TCF7L1: variants seen among roughly 807,000 people sequenced by gnomAD.
TCF7L1 encodes the protein transcription factor 7-like 1.
In TCF7L1, 18 loss-of-function variants were observed where a neutral mutation model predicts 63.7. That is an observed-to-expected ratio of 0.28 (90% CI 0.20 to 0.42). The LOEUF is 0.42. Among genes scored for constraint, TCF7L1 ranks in the 10% least tolerant of loss-of-function variants. TCF7L1 has a pLI of 1.00. For missense variants in TCF7L1, 654 were observed against 779.3 expected, an observed-to-expected ratio of 0.84 and a Z score of 1.91; for synonymous variants, 355 against 340.9, an observed-to-expected ratio of 1.04 and a Z score of -0.46.
intron 3 of TCF7L1, among the ~76,000 whole-genome samples, chr2:85,150,479 G>A (rs964345325): frequency 4.6e-5 from 7 of 152,028 alleles, no homozygotes; most frequent in Admixed American, 2.6e-4. Flanking sequence ...TGATCCACCC[G>A]CCTTGGCCTC....
intron 4 of TCF7L1, among the ~76,000 whole-genome samples, chr2:85,288,889 G>A (rs763097951): frequency 1.4e-4 from 22 of 152,134 alleles, no homozygotes; most frequent in Non-Finnish European, 3.1e-4. Flanking sequence ...GTCCAGCCAC[G>A]CAAAACACAT....
At chr2:85,156,510 C>T (rs2104213054) in intron 3 of TCF7L1, among the ~76,000 whole-genome samples, 1 of 152,310 alleles carries the variant, frequency 6.6e-6, no homozygotes, top group South Asian at 2.1e-4. Flanking sequence ...GTGGGGAGCT[C>T]TGGGGCCAGT....
At chr2:85,273,421 A>G (rs770093399) in intron 3 of TCF7L1, among the ~76,000 whole-genome samples, 2 of 152,188 alleles carry the variant, frequency 1.3e-5, no homozygotes, top group Non-Finnish European at 2.9e-5. Flanking sequence ...ACAGAGGACA[A>G]TTCGCAGCCT....
chr2:85,245,403 G>A (rs976028138), intron 3 of TCF7L1, among the ~76,000 whole-genome samples: 1 of 152,172 alleles, frequency 6.6e-6, no homozygotes, highest in Non-Finnish European at 1.5e-5. Context: ...CCTCTAAGAT[G>A]GGGTAGGTTG....
At chr2:85,267,801 T>C (rs1052838642) in intron 3 of TCF7L1, among the ~76,000 whole-genome samples, 1 of 152,140 alleles carries the variant, frequency 6.6e-6, no homozygotes, top group Non-Finnish European at 1.5e-5. Flanking sequence ...AAATAACACA[T>C]GGAGTATCTG....
intron 3 of TCF7L1, among the ~76,000 whole-genome samples, chr2:85,275,368 C>T (rs1681246778): frequency 6.6e-6 from 1 of 152,106 alleles, no homozygotes; most frequent in African/African-American, 2.4e-5. Flanking sequence ...GCAAAATTGC[C>T]AGGTTCTTTG....
chr2:85,304,456 C>G, intron 7 of TCF7L1, 118 bp downstream of exon 7: 1 of 989,352 alleles, frequency 1.0e-6, no homozygotes, highest in Admixed American at 2.5e-5. Context: ...CCTCCCCCCA[C>G]CTCTCTTTGA....
At chr2:85,273,352 G>C (rs183586459) in intron 3 of TCF7L1, among the ~76,000 whole-genome samples, 2 of 152,278 alleles carry the variant, frequency 1.3e-5, no homozygotes, top group Non-Finnish European at 2.9e-5. Context: ...AGCAGATTAT[G>C]TGCCCCACTT....
In TCF7L1 at chr2:85,304,454, C is replaced by T. The variant is rs572257989; in HGVS notation, c.845+116C>T. On this transcript the variant is annotated intron_variant, in intron 7 of 11. Coordinates refer to ENST00000282111, the MANE Select transcript of TCF7L1 (RefSeq NM_031283.3). ...GCAGGCACAGGGCTCACCCTCCCCC[C>T]ACCTCTCTTTGATCAAGCATCTTCT... 2.6e-5 allele frequency: 28 copies of T among 1,068,440 alleles called. No individual in the cohort carries two copies. The South Asian group carries it at 3.5e-4, about 13-fold the overall frequency. 66.2% of individuals were successfully genotyped at this position (1,068,440 alleles called of 1,614,324 possible).
intron 3 of TCF7L1, among the ~76,000 whole-genome samples, chr2:85,182,176 C>T (rs911750269): frequency 1.6e-4 from 25 of 152,126 alleles, no homozygotes; most frequent in African/African-American, 5.3e-4. Context: ...TGAGCTTGTT[C>T]GTCAGATGGG....
chr2:85,250,036 T>C (rs1329005428), intron 3 of TCF7L1, among the ~76,000 whole-genome samples: 1 of 152,244 alleles, frequency 6.6e-6, no homozygotes, highest in Non-Finnish European at 1.5e-5. Context: ...TGCAGTGGAC[T>C]GTGTGCCCAA....
chr2:85,168,525 G>C (rs2104232091), intron 3 of TCF7L1, among the ~76,000 whole-genome samples: 1 of 152,186 alleles, frequency 6.6e-6, no homozygotes, highest in South Asian at 2.1e-4. Context: ...GCTGGGTGCT[G>C]CCGAGTCTGA....
chr2:85,163,279 G>A (rs959516626), intron 3 of TCF7L1, among the ~76,000 whole-genome samples: 6 of 152,264 alleles, frequency 3.9e-5, no homozygotes, highest in South Asian at 4.1e-4. Flanking sequence ...CTAGTTGAAA[G>A]CTCCTCACTG....
At chr2:85,139,762 G>A (rs1203920873) in intron 3 of TCF7L1, among the ~76,000 whole-genome samples, 4 of 152,200 alleles carry the variant, frequency 2.6e-5, no homozygotes, top group African/African-American at 9.7e-5. Flanking sequence ...AGTTCAGGGC[G>A]ATTTGGGGGT....
In TCF7L1 at chr2:85,291,993, ATTTTTTTTTTTTTTTTTTTTTTTTTTT is replaced by A. The variant is rs1167747216; in HGVS notation, c.525+8434_525+8460del. Among the ~76,000 whole-genome samples, 11 of 13,838 alleles carry A rather than the reference ATTTTTTTTTTTTTTTTTTTTTTTTTTT, an allele frequency of 7.9e-4. 3 individuals carry two copies. The highest frequency in any genetic ancestry group is 2.0e-3 in the Admixed American group (2 of 990). The allele number at this position is 13,838 out of a possible 152,430, so 9.1% of individuals were successfully genotyped here. ...AGTGCTGAGTTTACTGGTCATATGT[ATTTTTTTTTTTTTTTTTTTTTTTTTTT>A]TTTTTTTTTTTTTTTTTTGAGACGG... On this transcript the variant is annotated intron_variant, in intron 4 of 11. Transcript: ENST00000282111.
chr2:85,268,049 A>T (rs1197957451), intron 3 of TCF7L1, among the ~76,000 whole-genome samples: 1 of 152,230 alleles, frequency 6.6e-6, no homozygotes, highest in East Asian at 1.9e-4. Flanking sequence ...TTTGTTTTTT[A>T]ATAATGTATT....
intron 3 of TCF7L1, chr2:85,205,155 G>A (rs1159951122): frequency 6.6e-6 from 1 of 152,144 alleles, no homozygotes; most frequent in African/African-American, 2.4e-5. Context: ...TGAAATTCTA[G>A]TTTCAAGTTG....
intron 3 of TCF7L1, among the ~76,000 whole-genome samples, chr2:85,137,667 C>T (rs993729273): frequency 3.9e-5 from 6 of 152,160 alleles, no homozygotes; most frequent in African/African-American, 1.2e-4. Context: ...CCAAGGCGGG[C>T]GGATCACCTG....
At chr2:85,142,432 AT>A (rs1296627394) in intron 3 of TCF7L1, among the ~76,000 whole-genome samples, 3 of 138,076 alleles carry the variant, frequency 2.2e-5, no homozygotes, top group African/African-American at 5.5e-5. Context: ...AAAAAAAAAA[AT>A]GTGTGTGTGT....
Sources: gnomAD v4.1 joint callset for allele counts (sites outside exome capture counted in the v4.1 genomes callset) on GRCh38, gnomAD v4.1.1 for gene constraint, MANE v1.5 for transcripts, NCBI Gene and HGNC (gene_info 2026-07-23, HGNC 2026-07-21) for gene names.